The following SYT9 variants were observed in gnomAD, a reference collection of about 807,000 sequenced individuals.
SYT9 encodes synaptotagmin-9.
In SYT9, 22 loss-of-function variants were observed where a neutral mutation model predicts 48.4. The observed-to-expected ratio is 0.45, with a 90% CI of 0.32 to 0.65. SYT9 has a LOEUF of 0.65. Among genes scored for constraint, SYT9 ranks in the 30% least tolerant of loss-of-function variants. The pLI is 0.03. For synonymous variants in SYT9, 265 were observed against 245.0 expected, an observed-to-expected ratio of 1.08 and a Z score of -0.76; for missense variants, 577 against 622.0, an observed-to-expected ratio of 0.93 and a Z score of 0.77.
At chr11:7,391,633 G>A (rs1846611774) in intron 3 of SYT9, among the ~76,000 whole-genome samples, 1 of 149,824 alleles carries the variant, frequency 6.7e-6, no homozygotes, top group Non-Finnish European at 1.5e-5. Flanking sequence ...AGGCATGGTG[G>A]TGCATGCCTG....
At chr11:7,448,406 T>C (rs1310190183) in intron 6 of SYT9, among the ~76,000 whole-genome samples, 2 of 152,252 alleles carry the variant, frequency 1.3e-5, no homozygotes, top group Non-Finnish European at 2.9e-5. Context: ...AGACACCTCA[T>C]GCACATCTTC....
At chr11:7,351,010 A>C (rs1402954203) in intron 3 of SYT9, among the ~76,000 whole-genome samples, 1 of 152,220 alleles carries the variant, frequency 6.6e-6, no homozygotes, top group African/African-American at 2.4e-5. Flanking sequence ...GTGATTTTTT[A>C]AATGATGTCA....
At chr11:7,313,258 C>A in intron 2 of SYT9, 137 bp from the exon 3 acceptor site, 1 of 781,380 alleles carries the variant, frequency 1.3e-6, no homozygotes, top group Non-Finnish European at 1.9e-6. Context: ...GAATTTAGGC[C>A]ACACACACAC....
chr11:7,251,959 C>G lies in SYT9; in HGVS notation c.-228C>G. ...GGTGTCTGGGGAGGGACGGAGGGAC[C>G]GGGCGGGAGAGAGAGAAAGCCTGAC... On this transcript the variant is annotated 5_prime_UTR_variant, in exon 1 of 7. Coordinates refer to ENST00000318881, the MANE Select transcript of SYT9 (RefSeq NM_175733.4). 4.6e-6 allele frequency: 2 copies of G among 433,726 alleles called. No individual in the cohort carries two copies. The highest frequency in any genetic ancestry group is 8.0e-6 in the Non-Finnish European group (2 of 248,608). 26.9% of individuals were successfully genotyped at this position (433,726 alleles called of 1,614,324 possible). A position where few individuals can be genotyped will look rare whatever the true frequency, so the allele number is the denominator to read the frequency against.
intron 1 of SYT9, among the ~76,000 whole-genome samples, chr11:7,269,453 A>G (rs1374629685): frequency 6.6e-6 from 1 of 152,152 alleles, no homozygotes; most frequent in Non-Finnish European, 1.5e-5. Context: ...AAATTCTTTC[A>G]TGTAAAGAGA....
chr11:7,263,490 A>G (rs1376511311), intron 1 of SYT9, among the ~76,000 whole-genome samples: 4 of 152,212 alleles, frequency 2.6e-5, no homozygotes, highest in Admixed American at 2.6e-4. Flanking sequence ...CTTCACACTT[A>G]CCAAGGGGTG....
intron 3 of SYT9, among the ~76,000 whole-genome samples, chr11:7,388,816 C>A (rs1017017295): frequency 6.6e-6 from 1 of 152,064 alleles, no homozygotes; most frequent in Non-Finnish European, 1.5e-5. Context: ...GCGTTATGAT[C>A]ATTCCTCATC....
At chr11:7,464,158 G>A (rs1208793325) in intron 6 of SYT9, among the ~76,000 whole-genome samples, 2 of 152,180 alleles carry the variant, frequency 1.3e-5, no homozygotes, top group Non-Finnish European at 2.9e-5. Context: ...AAATGAGGTT[G>A]TGCACAGAAC....
chr11:7,447,713 T>C (rs1322629640), intron 6 of SYT9, among the ~76,000 whole-genome samples: 3 of 152,148 alleles, frequency 2.0e-5, no homozygotes, highest in Non-Finnish European at 2.9e-5. Context: ...TATATATCTT[T>C]GTGATAGCTC....
intron 3 of SYT9, among the ~76,000 whole-genome samples, chr11:7,344,616 A>ATG (rs1293629312): frequency 6.6e-6 from 1 of 152,216 alleles, no homozygotes; most frequent in African/African-American, 2.4e-5. Flanking sequence ...TTGTGAATGC[A>ATG]TATGTGTGTG....
intron 3 of SYT9, among the ~76,000 whole-genome samples, chr11:7,345,528 CA>C (rs1389992860): frequency 2.6e-5 from 4 of 152,136 alleles, no homozygotes; most frequent in Non-Finnish European, 5.9e-5. Context: ...TTCTGGTTTT[CA>C]GCATGAGCAA....
At chr11:7,460,456 A>G (rs1012352611) in intron 6 of SYT9, among the ~76,000 whole-genome samples, 4 of 152,130 alleles carry the variant, frequency 2.6e-5, no homozygotes, top group Admixed American at 6.5e-5. Flanking sequence ...CAAATTTAAA[A>G]TGTGATTATA....
chr11:7,353,004 TGTAA>T (rs1409325010), intron 3 of SYT9, among the ~76,000 whole-genome samples: 9 of 152,218 alleles, frequency 5.9e-5, no homozygotes, highest in Admixed American at 2.0e-4. Context: ...GTATAAAACT[TGTAA>T]GTAAGTAAAT....
At chr11:7,242,880 T>C (rs1038343765) in intron 1 of SYT9, among the ~76,000 whole-genome samples, 11 of 148,800 alleles carry the variant, frequency 7.4e-5, no homozygotes, top group Admixed American at 6.9e-4. Context: ...ACCCTGTCTC[T>C]GCTAATAATA....
intron 3 of SYT9, among the ~76,000 whole-genome samples, chr11:7,396,823 G>A (rs1437545621): frequency 4.6e-5 from 7 of 152,106 alleles, no homozygotes; most frequent in Admixed American, 4.6e-4. Flanking sequence ...TTTTGATAAA[G>A]TAAGTAGATT....
At chr11:7,390,866 T>A (rs994781762) in intron 3 of SYT9, among the ~76,000 whole-genome samples, 1 of 152,076 alleles carries the variant, frequency 6.6e-6, no homozygotes, top group Non-Finnish European at 1.5e-5. Flanking sequence ...CATGTGCAGG[T>A]TTGTTACGAG....
At chr11:7,412,802 G>C (rs1038944916) in intron 3 of SYT9, among the ~76,000 whole-genome samples, 1 of 152,146 alleles carries the variant, frequency 6.6e-6, no homozygotes, top group African/African-American at 2.4e-5. Flanking sequence ...AGCTGTAATG[G>C]GTTGGATGGG....
intron 3 of SYT9, among the ~76,000 whole-genome samples, chr11:7,316,818 A>G (rs1354476900): frequency 6.6e-6 from 1 of 152,200 alleles, no homozygotes; most frequent in Non-Finnish European, 1.5e-5. Context: ...TGATCAATGT[A>G]TGTGTGTGCA....
chr11:7,355,901 A>AGTCC (rs1850012734), intron 3 of SYT9, among the ~76,000 whole-genome samples: 1 of 152,212 alleles, frequency 6.6e-6, no homozygotes, highest in Non-Finnish European at 1.5e-5. Context: ...TTGGTGGCCC[A>AGTCC]GTCCCTTCCT....
Sources: allele counts gnomAD v4.1 joint callset (sites outside exome capture counted in the v4.1 genomes callset), GRCh38; gene constraint gnomAD v4.1.1; transcripts MANE v1.5; gene names NCBI Gene and HGNC (gene_info 2026-07-23, HGNC 2026-07-21).